EDIL3: variants seen among roughly 807,000 people sequenced by gnomAD.
EDIL3 encodes the protein EGF like and discoidin domains 3, also known as EGF-like repeat and discoidin I-like domain-containing protein 3.
In EDIL3, 37 loss-of-function variants were observed where a neutral mutation model predicts 67.4. The observed-to-expected ratio is 0.55, with a 90% confidence interval of 0.42 to 0.72. EDIL3 has a LOEUF of 0.72. Among genes scored for constraint, EDIL3 ranks in the 30% least tolerant of loss-of-function variants. The pLI, the probability that EDIL3 is intolerant of heterozygous loss-of-function variation, is 0.00. For synonymous variants in EDIL3, 195 were observed against 196.3 expected, an observed-to-expected ratio of 0.99 and a Z score of 0.05; for missense variants, 527 against 586.3, an observed-to-expected ratio of 0.90 and a Z score of 1.04.
chr5:83,947,627 A>G (rs1744337746), intron 10 of EDIL3, among the ~76,000 whole-genome samples: 1 of 151,720 alleles, frequency 6.6e-6, no homozygotes, highest in South Asian at 2.1e-4. Context: ...TTTCCCTCTA[A>G]TATTTCTAAC....
intron 6 of EDIL3, among the ~76,000 whole-genome samples, chr5:84,071,276 G>C (rs1746735863): frequency 6.6e-6 from 1 of 152,216 alleles, no homozygotes; most frequent in African/African-American, 2.4e-5. Flanking sequence ...AGTAGCTGAA[G>C]CTGGGACATG....
At chr5:83,999,996 A>G (rs1355792887) in intron 9 of EDIL3, among the ~76,000 whole-genome samples, 1 of 121,300 alleles carries the variant, frequency 8.2e-6, no homozygotes, top group Non-Finnish European at 1.8e-5. Flanking sequence ...GACATATTTC[A>G]AGTGCTAAAG....
intron 4 of EDIL3, among the ~76,000 whole-genome samples, chr5:84,160,662 C>T (rs1748586371): frequency 6.6e-6 from 1 of 152,044 alleles, no homozygotes; most frequent in Non-Finnish European, 1.5e-5. Flanking sequence ...CAGTTATTCC[C>T]AGTTTACCCA....
chr5:84,068,922 A>AT (rs935959215), intron 6 of EDIL3, among the ~76,000 whole-genome samples: 1 of 152,180 alleles, frequency 6.6e-6, no homozygotes, highest in Non-Finnish European at 1.5e-5. Flanking sequence ...ATATAGTATG[A>AT]TTTTGGAAAC....
Position 84,157,916 on chromosome 5 carries a change from AT to A in EDIL3, c.356-20563del, listed in dbSNP as rs566311867. On this transcript the variant is annotated intron_variant, in intron 4 of 10. Transcript: ENST00000296591. ...CAACTTCAGCATTAGAATACTGCCT[AT>A]TTGGGTGCCAATCGAAGGAGATTTT... is the stretch of plus-strand genomic sequence containing the variant. 7.2e-5 allele frequency among the ~76,000 whole-genome samples: 11 copies of A among 152,234 alleles called. No homozygotes were observed. In the South Asian group the frequency reaches 2.3e-3, roughly 32 times the overall value.
chr5:83,974,569 G>A (rs1043797752), intron 9 of EDIL3, among the ~76,000 whole-genome samples: 6 of 151,932 alleles, frequency 3.9e-5, no homozygotes, highest in Non-Finnish European at 5.9e-5. Context: ...TGCATGGTCC[G>A]TAACACTGTG....
chr5:83,985,456 T>C (rs1745043079), intron 9 of EDIL3, among the ~76,000 whole-genome samples: 1 of 152,080 alleles, frequency 6.6e-6, no homozygotes, highest in Non-Finnish European at 1.5e-5. Flanking sequence ...AGAATTTAAT[T>C]GAATTGAATT....
intron 4 of EDIL3, among the ~76,000 whole-genome samples, chr5:84,171,142 C>T (rs1245197061): frequency 6.6e-6 from 1 of 152,010 alleles, no homozygotes; most frequent in Non-Finnish European, 1.5e-5. Flanking sequence ...ATACTACCTT[C>T]ATGAGTATAA....
At chr5:83,950,252 G>A (rs1744394855) in intron 10 of EDIL3, among the ~76,000 whole-genome samples, 1 of 151,796 alleles carries the variant, frequency 6.6e-6, no homozygotes, top group South Asian at 2.1e-4. Flanking sequence ...AGTTGTGTTT[G>A]TGAGTTTTTC....
chr5:84,183,791 C>A (rs897996158), intron 3 of EDIL3, among the ~76,000 whole-genome samples: 1 of 152,062 alleles, frequency 6.6e-6, no homozygotes, highest in Non-Finnish European at 1.5e-5. Context: ...AAGTCCTCTG[C>A]GAGTTCTTGA....
At chr5:84,077,235 G>C (rs1049241934) in intron 6 of EDIL3, among the ~76,000 whole-genome samples, 3 of 152,180 alleles carry the variant, frequency 2.0e-5, no homozygotes, top group African/African-American at 4.8e-5. Flanking sequence ...CAGAGTAAAA[G>C]TGGCAAATAT....
intron 9 of EDIL3, among the ~76,000 whole-genome samples, chr5:84,042,957 T>C (rs981494902): frequency 6.6e-6 from 1 of 152,076 alleles, no homozygotes; most frequent in Non-Finnish European, 1.5e-5. Context: ...CTTATTAACA[T>C]AGAGAAATGA....
intron 9 of EDIL3, 91 bp downstream of exon 9, chr5:84,060,209 G>T: frequency 1.4e-6 from 2 of 1,428,298 alleles, no homozygotes; most frequent in Non-Finnish European, 1.9e-6. Context: ...AAATTAGCGT[G>T]AAGGTAACGA....
At chr5:84,291,753 T>TATATATCTATCTATATAG (rs1745926925) in intron 1 of EDIL3, among the ~76,000 whole-genome samples, 1 of 147,056 alleles carries the variant, frequency 6.8e-6, no homozygotes, top group Non-Finnish European at 1.5e-5. Flanking sequence ...TAGATATATC[T>TATATATCTATCTATATAG]ATATATCTAT....
chr5:84,130,643 T>A (rs537909590), intron 5 of EDIL3, among the ~76,000 whole-genome samples: 2 of 152,124 alleles, frequency 1.3e-5, no homozygotes, highest in Non-Finnish European at 2.9e-5. Flanking sequence ...TTATATTATA[T>A]AAAACTATAA....
chr5:84,311,485 G>A (rs868788185), intron 1 of EDIL3, among the ~76,000 whole-genome samples: 14 of 151,962 alleles, frequency 9.2e-5, no homozygotes, highest in Non-Finnish European at 1.3e-4. Context: ...ATGGAGAAGG[G>A]CATGCAAAAG....
intron 1 of EDIL3, among the ~76,000 whole-genome samples, chr5:84,371,940 T>A (rs899709868): frequency 9.9e-5 from 15 of 152,276 alleles, no homozygotes; most frequent in Admixed American, 8.5e-4. Flanking sequence ...CACCACGATC[T>A]ATGGATCCCA....
intron 9 of EDIL3, among the ~76,000 whole-genome samples, chr5:84,039,944 C>T (rs1195890380): frequency 1.3e-5 from 2 of 152,084 alleles, no homozygotes; most frequent in East Asian, 1.9e-4. Flanking sequence ...GGAACTTAGT[C>T]ATTCTAATCA....
intron 5 of EDIL3, among the ~76,000 whole-genome samples, chr5:84,129,187 C>T (rs1462481830): frequency 6.6e-6 from 1 of 152,018 alleles, no homozygotes; most frequent in East Asian, 1.9e-4. Flanking sequence ...ACAAATAATC[C>T]AATTTGCTTT....
Sources: allele counts gnomAD v4.1 joint callset (sites outside exome capture counted in the v4.1 genomes callset), GRCh38; gene constraint gnomAD v4.1.1; transcripts MANE v1.5; gene names NCBI Gene and HGNC (gene_info 2026-07-23, HGNC 2026-07-21).